WWOX: variants seen among roughly 807,000 people sequenced by gnomAD.
WWOX encodes the protein WW domain containing oxidoreductase.
WWOX carries 69 observed loss-of-function variants against 46.2 expected under a neutral mutation model. That is an observed-to-expected ratio of 1.49 (90% confidence interval 1.23 to 1.82). WWOX has a LOEUF of 1.82. WWOX is among the 40% of genes most tolerant of loss of function. The pLI is 0.00. For missense variants in WWOX, 919 were observed against 542.6 expected, an observed-to-expected ratio of 1.69 and a Z score of -6.89; for synonymous variants, 359 against 202.6, an observed-to-expected ratio of 1.77 and a Z score of -6.56.
chr16:78,757,402 G>C (rs1204528297), intron 8 of WWOX, among the ~76,000 whole-genome samples: 2 of 152,148 alleles, frequency 1.3e-5, no homozygotes, highest in African/African-American at 4.8e-5. Context: ...AAGGTACATA[G>C]GACACTGTCT....
chr16:78,216,930 C>T (rs1286204085), intron 5 of WWOX, among the ~76,000 whole-genome samples: 2 of 152,110 alleles, frequency 1.3e-5, no homozygotes, highest in African/African-American at 2.4e-5. Context: ...ACCATGTTGG[C>T]GAGGCTGGTC....
intron 8 of WWOX, among the ~76,000 whole-genome samples, chr16:79,186,404 C>A (rs139049805): frequency 2.5e-4 from 38 of 152,306 alleles, no homozygotes; most frequent in African/African-American, 8.9e-4. Context: ...CTTGGTGTTT[C>A]CTGGCTTGCA....
intron 8 of WWOX, among the ~76,000 whole-genome samples, chr16:79,161,733 G>T (rs926458650): frequency 5.3e-5 from 8 of 152,144 alleles, no homozygotes; most frequent in South Asian, 2.1e-4. Context: ...TGGCCAGGCT[G>T]GTCTCAAACT....
At chr16:78,230,020 C>A (rs28413069) in intron 5 of WWOX, among the ~76,000 whole-genome samples, 2 of 151,968 alleles carry the variant, frequency 1.3e-5, no homozygotes, top group African/African-American at 4.8e-5. Flanking sequence ...GCTGGGACTA[C>A]AGGTGCATGC....
At chr16:78,810,448 C>T (rs932911744) in intron 8 of WWOX, among the ~76,000 whole-genome samples, 1 of 152,160 alleles carries the variant, frequency 6.6e-6, no homozygotes, top group South Asian at 2.1e-4. Context: ...TATTACATGT[C>T]AACTCAGAAA....
At chr16:78,392,977 C>A (rs746345418) in intron 6 of WWOX, among the ~76,000 whole-genome samples, 2 of 152,080 alleles carry the variant, frequency 1.3e-5, no homozygotes, top group African/African-American at 4.8e-5. Flanking sequence ...TAGCAGCGGT[C>A]GTCGGCCAGT....
At chr16:78,762,981 G>C (rs1285357569) in intron 8 of WWOX, among the ~76,000 whole-genome samples, 1 of 152,160 alleles carries the variant, frequency 6.6e-6, no homozygotes, top group Non-Finnish European at 1.5e-5. Flanking sequence ...TTCCTGGTGG[G>C]GGGACCAGAT....
chr16:78,102,322 C>G (rs1188964048), intron 1 of WWOX, among the ~76,000 whole-genome samples: 2 of 152,098 alleles, frequency 1.3e-5, no homozygotes, highest in African/African-American at 4.8e-5. Context: ...GGCCTGTGAT[C>G]TTTGTGAGGG....
intron 5 of WWOX, among the ~76,000 whole-genome samples, chr16:78,358,638 A>G (rs1302970836): frequency 6.6e-6 from 1 of 151,654 alleles, no homozygotes; most frequent in African/African-American, 2.4e-5. Flanking sequence ...AGCCTGAGCA[A>G]CAGAGCAAGA....
At chr16:78,409,834 C>G (rs982370471) in intron 6 of WWOX, among the ~76,000 whole-genome samples, 4 of 152,192 alleles carry the variant, frequency 2.6e-5, no homozygotes, top group Non-Finnish European at 5.9e-5. Context: ...CTGACCTTAG[C>G]CCTGTAGTCC....
intron 8 of WWOX, among the ~76,000 whole-genome samples, chr16:78,467,423 T>C (rs2084107171): frequency 6.6e-6 from 1 of 152,192 alleles, no homozygotes; most frequent in South Asian, 2.1e-4. Context: ...ATACAAGTCT[T>C]ATCTAGTAGA....
chr16:78,562,756 C>A (rs555741635), intron 8 of WWOX, among the ~76,000 whole-genome samples: 1 of 152,292 alleles, frequency 6.6e-6, no homozygotes, highest in South Asian at 2.1e-4. Context: ...GAGTTAAGAT[C>A]TTTAACTCAG....
intron 5 of WWOX, among the ~76,000 whole-genome samples, chr16:78,354,480 T>C (rs1221893963): frequency 1.3e-5 from 2 of 152,140 alleles, no homozygotes; most frequent in African/African-American, 4.8e-5. Flanking sequence ...TGGTTTTTGA[T>C]GATGTATTGA....
intron 8 of WWOX, among the ~76,000 whole-genome samples, chr16:78,750,368 C>T (rs2049446919): frequency 6.6e-6 from 1 of 152,120 alleles, no homozygotes; most frequent in Non-Finnish European, 1.5e-5. Flanking sequence ...TAGTTGTGAA[C>T]CCGAAAGGAT....
chr16:79,063,266 C>G (rs748301780), intron 8 of WWOX, among the ~76,000 whole-genome samples: 29 of 152,102 alleles, frequency 1.9e-4, no homozygotes, highest in African/African-American at 6.0e-4. Flanking sequence ...ATATGGTTAC[C>G]CAGCCCAAGC....
At chr16:79,073,150 G>GTTGTTATTA (rs147053069) in intron 8 of WWOX, among the ~76,000 whole-genome samples, 2 of 143,116 alleles carry the variant, frequency 1.4e-5, no homozygotes, top group African/African-American at 2.6e-5. Flanking sequence ...GTAGTTATTC[G>GTTGTTATTA]TTATTATTAT....
intron 8 of WWOX, among the ~76,000 whole-genome samples, chr16:79,162,718 C>T (rs766253307): frequency 2.6e-5 from 4 of 152,300 alleles, no homozygotes; most frequent in South Asian, 2.1e-4. Context: ...AGTCCCCATT[C>T]AGAGGCTCAA....
chr16:78,586,588 CAGATTA>C (rs2045214761), intron 8 of WWOX, among the ~76,000 whole-genome samples: 1 of 152,162 alleles, frequency 6.6e-6, no homozygotes, highest in Non-Finnish European at 1.5e-5. Flanking sequence ...AATGGTGACT[CAGATTA>C]AGAAACTTGC....
intron 8 of WWOX, among the ~76,000 whole-genome samples, chr16:78,514,346 T>G (rs1402295806): frequency 6.6e-6 from 1 of 152,234 alleles, no homozygotes; most frequent in Admixed American, 6.5e-5. Flanking sequence ...TACAACTGCT[T>G]GAAAACAGCT....
Sources: gnomAD v4.1 joint callset for allele counts (sites outside exome capture counted in the v4.1 genomes callset) on GRCh38, gnomAD v4.1.1 for gene constraint, MANE v1.5 for transcripts, NCBI Gene and HGNC (gene_info 2026-07-23, HGNC 2026-07-21) for gene names.